Variants in PARD3B observed in about 807,000 individuals in gnomAD.
The protein encoded by PARD3B is par-3 family cell polarity regulator beta, also known as partitioning defective 3 homolog B.
In PARD3B, 103 loss-of-function variants were observed where a neutral mutation model predicts 130.2. The ratio of observed to expected loss-of-function variants is 0.79; its 90% confidence interval spans 0.67 to 0.93. The LOEUF (loss-of-function observed/expected upper bound fraction) is 0.93. PARD3B is among the 40% of genes least tolerant of loss of function. PARD3B has a pLI of 0.00. For synonymous variants in PARD3B, 583 were observed against 553.2 expected (o/e 1.05, Z -0.76); for missense variants, 1,609 against 1,499.2 (o/e 1.07, Z -1.21).
intron 2 of PARD3B, among the ~76,000 whole-genome samples, chr2:204,881,744 TA>T (rs1170783157): frequency 6.6e-6 from 1 of 151,720 alleles, no homozygotes; most frequent in African/African-American, 2.4e-5. Context: ...GGGAAAGGAG[TA>T]ACAGATTTTT....
At position 205,122,075 on chromosome 2, in the gene PARD3B, G is replaced by T; in HGVS notation, c.1165+126G>T. The T allele has an allele frequency of 1.2e-6, 1 of 835,268 alleles. No homozygotes were observed. Among genetic ancestry groups the T allele is most frequent in the South Asian group, 1.9e-5 (1 of 53,532 alleles). The allele number at this position is 835,268 out of a possible 1,614,324, so 51.7% of individuals were successfully genotyped here. A position where few individuals can be genotyped will look rare whatever the true frequency, so the allele number is the denominator to read the frequency against. Reference sequence around the variant, plus strand: ...TAATTGTATCAAAGAATAGATTTAAGTGTATACTTAGGTAACTTAAATTTC... The same window carrying T: ...TAATTGTATCAAAGAATAGATTTAATTGTATACTTAGGTAACTTAAATTTC... On this transcript the variant is annotated intron_variant, in intron 8 of 22. Transcript: ENST00000406610. This position sits in a 1 kb window ranked among gnomAD's most constrained non-coding sequence, Gnocchi z 4.3.
intron 2 of PARD3B, among the ~76,000 whole-genome samples, chr2:204,839,995 C>T (rs991549153): frequency 6.6e-6 from 1 of 151,936 alleles, no homozygotes; most frequent in African/African-American, 2.4e-5. Context: ...CCTCCCTCTA[C>T]GTATATTTCT....
intron 18 of PARD3B, among the ~76,000 whole-genome samples, chr2:205,387,889 G>A (rs1381645512): frequency 2.0e-5 from 3 of 152,158 alleles, no homozygotes; most frequent in African/African-American, 7.2e-5. Context: ...AGAAACACAG[G>A]CTGCCAGTTT....
chr2:204,795,525 G>C (rs2042340405), intron 2 of PARD3B, among the ~76,000 whole-genome samples: 1 of 152,160 alleles, frequency 6.6e-6, no homozygotes, highest in South Asian at 2.1e-4. Context: ...CTGACAGTAA[G>C]ATATCAGTCT....
At position 205,591,574 on chromosome 2, in the gene PARD3B, G is replaced by A. The variant is rs1219410062; in HGVS notation, c.3261-23882G>A. Among the ~76,000 whole-genome samples, 1 of 152,166 alleles carries A rather than the reference G, an allele frequency of 6.6e-6. No homozygotes were observed. Among genetic ancestry groups the A allele is most frequent in the Non-Finnish European group, 1.5e-5 (1 of 68,030 alleles). On this transcript the variant is annotated intron_variant, in intron 22 of 22. Transcript: ENST00000406610. This position sits in a 1 kb window ranked among gnomAD's most constrained non-coding sequence, Gnocchi z 4.2. ...AATTTGACAGAGGAAGAAACAGACT[G>A]TCTTACAGAGGAAACATTCGTTCAT...
At chr2:204,575,296 G>A (rs1481399214) in intron 1 of PARD3B, among the ~76,000 whole-genome samples, 1 of 152,126 alleles carries the variant, frequency 6.6e-6, no homozygotes, top group Non-Finnish European at 1.5e-5. Flanking sequence ...TTCATTTAAT[G>A]GTTGGAGTGA....
chr2:204,790,316 G>A (rs1179002736), intron 2 of PARD3B, among the ~76,000 whole-genome samples: 1 of 152,208 alleles, frequency 6.6e-6, no homozygotes, highest in Non-Finnish European at 1.5e-5. Context: ...CTAGTCTTGA[G>A]TACCTGGAAT....
At chr2:204,893,357 T>C (rs2046518689) in intron 2 of PARD3B, among the ~76,000 whole-genome samples, 1 of 152,108 alleles carries the variant, frequency 6.6e-6, no homozygotes, top group Admixed American at 6.6e-5. Context: ...TGCTTTAAAG[T>C]TTAACAAAGA....
At chr2:205,484,829 C>T (rs1194822080) in intron 20 of PARD3B, among the ~76,000 whole-genome samples, 1 of 152,174 alleles carries the variant, frequency 6.6e-6, no homozygotes, top group Non-Finnish European at 1.5e-5. Flanking sequence ...GCATAATTGA[C>T]ATCATGTTTA....
At chr2:205,283,724 A>G (rs1343061610) in intron 16 of PARD3B, among the ~76,000 whole-genome samples, 1 of 152,224 alleles carries the variant, frequency 6.6e-6, no homozygotes, top group Non-Finnish European at 1.5e-5. Context: ...AGCAAAATAT[A>G]CAAAAACAAA....
At chr2:204,672,595 A>G (rs989929389) in intron 1 of PARD3B, among the ~76,000 whole-genome samples, 1 of 152,178 alleles carries the variant, frequency 6.6e-6, no homozygotes, top group African/African-American at 2.4e-5. Flanking sequence ...CAAATGAAAA[A>G]CAAACAGTTT....
intron 18 of PARD3B, among the ~76,000 whole-genome samples, chr2:205,360,929 G>A (rs532534923): frequency 4.0e-5 from 6 of 151,336 alleles, no homozygotes; most frequent in African/African-American, 1.5e-4. Context: ...TTTTTCTTGT[G>A]TCAGTATCCA....
At chr2:205,499,727 C>G (rs1432774736) in intron 20 of PARD3B, among the ~76,000 whole-genome samples, 169 bp from the exon 21 acceptor site, 1 of 152,160 alleles carries the variant, frequency 6.6e-6, no homozygotes, top group African/African-American at 2.4e-5. Context: ...CACGTAAAGA[C>G]CACTTTTTGT....
At position 205,589,918 on chromosome 2, in the gene PARD3B, T is replaced by C. The variant is rs1001222706; in HGVS notation, c.3261-25538T>C. Among the ~76,000 whole-genome samples, 1 of 152,140 alleles carries C rather than the reference T, an allele frequency of 6.6e-6. No individual in the cohort carries two copies. The highest frequency in any genetic ancestry group is 6.5e-5 in the Admixed American group (1 of 15,278). On this transcript the variant is annotated intron_variant, in intron 22 of 22. Coordinates refer to ENST00000406610, the MANE Select transcript of PARD3B (RefSeq NM_001302769.2). The surrounding 1 kb of genome is among the most constrained non-coding windows in gnomAD (Gnocchi z 4.1). ...GGAGTTCTTCTAGGTCTTTTGCTTTTCATTTTCTCTACCCTGGAAATGTTG... is the reference window on the plus strand; with the variant it reads ...GGAGTTCTTCTAGGTCTTTTGCTTTCCATTTTCTCTACCCTGGAAATGTTG...
At chr2:205,354,469 G>GAA (rs35277298) in intron 18 of PARD3B, among the ~76,000 whole-genome samples, 3 of 30,696 alleles carry the variant, frequency 9.8e-5, no homozygotes, top group Non-Finnish European at 3.7e-4. Context: ...TAAAAAAAAT[G>GAA]AAAAAAAGTA....
At chr2:205,052,413 A>ATATATG (rs1211502850) in intron 4 of PARD3B, among the ~76,000 whole-genome samples, 1 of 72,164 alleles carries the variant, frequency 1.4e-5, no homozygotes, top group Admixed American at 2.0e-4. Flanking sequence ...TATTTTATAT[A>ATATATG]TATATGTATA....
Position 205,376,803 on chromosome 2 carries a change from G to A in PARD3B, c.2631-24210G>A, listed in dbSNP as rs138951117. On this transcript the variant is annotated intron_variant, in intron 18 of 22. Coordinates refer to ENST00000406610, the MANE Select transcript of PARD3B (RefSeq NM_001302769.2). ...TATGTAGGTGGCTACAGCATTATGG[G>A]TGAGGTGGAGGGTCTGGGGGAACAG... Among the ~76,000 whole-genome samples the A allele has an allele frequency of 8.5e-5, 13 of 152,334 alleles. No homozygotes were observed. The East Asian group carries it at 2.3e-3, about 27-fold the overall frequency.
intron 2 of PARD3B, among the ~76,000 whole-genome samples, chr2:204,918,091 A>G (rs1259834593): frequency 6.6e-6 from 1 of 152,212 alleles, no homozygotes; most frequent in African/African-American, 2.4e-5. Context: ...TGACATGAGG[A>G]GACAGTTTTT....
Position 205,405,759 on chromosome 2 carries a change from G to A in PARD3B, c.2741+4636G>A, listed in dbSNP as rs1236985938. 6.6e-6 allele frequency among the ~76,000 whole-genome samples: 1 copy of A among 152,154 alleles called. No homozygotes were observed. Among genetic ancestry groups the A allele is most frequent in the South Asian group, 2.1e-4 (1 of 4,832 alleles). ...GCAGGAACAATGGACTGAATTAAACGTAAAGAAAGTTAATGGAAATAAATG... is the reference window on the plus strand; with the variant it reads ...GCAGGAACAATGGACTGAATTAAACATAAAGAAAGTTAATGGAAATAAATG... On this transcript the variant is annotated intron_variant, in intron 19 of 22. Coordinates refer to ENST00000406610, the MANE Select transcript of PARD3B (RefSeq NM_001302769.2). This position sits in a 1 kb window ranked among gnomAD's most constrained non-coding sequence, Gnocchi z 4.1.
Sources: allele counts gnomAD v4.1 joint callset (sites outside exome capture counted in the v4.1 genomes callset), GRCh38; gene constraint gnomAD v4.1.1; non-coding constraint Gnocchi (gnomAD v3.1); transcripts MANE v1.5; gene names NCBI Gene and HGNC (gene_info 2026-07-23, HGNC 2026-07-21).